Variants in DPP10 observed in about 807,000 individuals in gnomAD.
DPP10 encodes inactive dipeptidyl peptidase 10.
DPP10 carries 33 observed loss-of-function variants against 120.9 expected under a neutral mutation model. The observed-to-expected ratio is 0.27, with a 90% CI of 0.21 to 0.37. The LOEUF (loss-of-function observed/expected upper bound fraction) is 0.37, where lower values mean the gene tolerates loss of function less well. Among genes scored for constraint, DPP10 ranks in the 10% least tolerant of loss-of-function variants. The probability of loss-of-function intolerance (pLI) is 1.00; values close to 1 mark genes in which losing one functional copy is unlikely to be tolerated. For synonymous variants in DPP10, 337 were observed against 326.1 expected (o/e 1.03, Z -0.36); for missense variants, 816 against 942.8 (o/e 0.87, Z 1.76).
intron 1 of DPP10, among the ~76,000 whole-genome samples, chr2:114,457,257 T>C (rs921802670): frequency 1.3e-5 from 2 of 152,194 alleles, no homozygotes; most frequent in Admixed American, 6.5e-5. Context: ...GCTATTGACA[T>C]GTTGGGCCAG....
chr2:114,773,261 A>C, intron 1 of DPP10, among the ~76,000 whole-genome samples: 1 of 152,188 alleles, frequency 6.6e-6, no homozygotes, highest in Admixed American at 6.5e-5. Context: ...TCGAGGAGTG[A>C]TATGCTTTTT....
intron 3 of DPP10, among the ~76,000 whole-genome samples, chr2:115,490,039 T>A (rs1264503648): frequency 6.6e-6 from 1 of 152,172 alleles, no homozygotes; most frequent in African/African-American, 2.4e-5. Flanking sequence ...AGAAAATCTT[T>A]GACCCCACTG....
At chr2:115,341,821 G>T (rs2063462355) in intron 2 of DPP10, among the ~76,000 whole-genome samples, 1 of 151,866 alleles carries the variant, frequency 6.6e-6, no homozygotes, top group Non-Finnish European at 1.5e-5. Context: ...TTAAAAAAAT[G>T]TATCTATTTA....
rs543504099 is a variant in DPP10 at position 114,918,978 on chromosome 2, A to T, written c.61-390261A>T. Among the ~76,000 whole-genome samples, 5 of 151,468 alleles carry T rather than the reference A, an allele frequency of 3.3e-5. No homozygotes were observed. In the South Asian group the frequency reaches 1.0e-3, roughly 32 times the overall value. ...AAGAGTTGGAAGAAAGAAAAAAAAC[A>T]CTGTCATTGGAGATGACAAAAAGTT... On this transcript the variant is annotated intron_variant, in intron 1 of 25. Coordinates refer to ENST00000410059, the MANE Select transcript of DPP10 (RefSeq NM_020868.6).
intron 5 of DPP10, among the ~76,000 whole-genome samples, chr2:115,669,804 G>T (rs572705771): frequency 6.6e-6 from 1 of 152,202 alleles, no homozygotes; most frequent in Non-Finnish European, 1.5e-5. Context: ...CTCTGACATG[G>T]TATCCCTGGC....
chr2:115,288,945 G>A (rs2060522899), intron 1 of DPP10, among the ~76,000 whole-genome samples: 1 of 152,018 alleles, frequency 6.6e-6, no homozygotes, highest in Non-Finnish European at 1.5e-5. Flanking sequence ...CCTAGACAGA[G>A]CAATCATGCA....
chr2:114,915,314 A>G (rs1389225263), intron 1 of DPP10, among the ~76,000 whole-genome samples: 2 of 152,238 alleles, frequency 1.3e-5, no homozygotes, highest in Non-Finnish European at 2.9e-5. Flanking sequence ...AGTTTTAACT[A>G]TTCTAAATAT....
At chr2:115,350,786 A>G (rs768411505) in intron 3 of DPP10, among the ~76,000 whole-genome samples, 35 of 152,236 alleles carry the variant, frequency 2.3e-4, no homozygotes, top group Non-Finnish European at 4.9e-4. Context: ...CCACTAATCC[A>G]AACCTCTGCA....
chr2:115,766,326 GTATATATATA>G (rs1553502949), intron 12 of DPP10, among the ~76,000 whole-genome samples: 4 of 50,310 alleles, frequency 8.0e-5, no homozygotes, highest in Admixed American at 2.8e-4. Context: ...ATATATATAT[GTATATATATA>G]TGTATATATA....
At chr2:115,575,879 G>A (rs576775032) in intron 5 of DPP10, among the ~76,000 whole-genome samples, 2 of 152,290 alleles carry the variant, frequency 1.3e-5, no homozygotes, top group South Asian at 4.1e-4. Context: ...GCTCAAGAAC[G>A]TGAGCACCCT....
chr2:115,342,746 C>G (rs2063511941), intron 2 of DPP10, among the ~76,000 whole-genome samples: 1 of 152,142 alleles, frequency 6.6e-6, no homozygotes, highest in Non-Finnish European at 1.5e-5. Context: ...ATTACAATGT[C>G]TTATGCTAAA....
intron 5 of DPP10, among the ~76,000 whole-genome samples, chr2:115,631,228 C>G (rs984572371): frequency 6.6e-5 from 10 of 152,048 alleles, no homozygotes; most frequent in African/African-American, 1.9e-4. Flanking sequence ...TTATAGCATT[C>G]TCTGATGATT....
At chr2:115,383,799 T>G (rs780644546) in intron 3 of DPP10, among the ~76,000 whole-genome samples, 19 of 152,350 alleles carry the variant, frequency 1.2e-4, no homozygotes, top group Non-Finnish European at 1.3e-4. Flanking sequence ...TAAAATAGAT[T>G]ACTCTTTCTT....
Position 114,446,865 on chromosome 2 carries a change from G to A in DPP10, c.60+4027G>A, listed in dbSNP as rs552720413. On this transcript the variant is annotated intron_variant, in intron 1 of 25. Transcript: ENST00000410059. The stretch of plus-strand genomic sequence containing the variant: ...GGAAACAGAAGACAAGGGGTTAAAA[G>A]AGGATGAAAATCTTATCACAAGTAT... Among the ~76,000 whole-genome samples, 8 of 152,248 alleles carry A rather than the reference G, an allele frequency of 5.3e-5. No individual in the cohort carries two copies. The South Asian group carries it at 1.0e-3, about 20-fold the overall frequency.
At chr2:115,445,340 C>T (rs2072477329) in intron 3 of DPP10, among the ~76,000 whole-genome samples, 1 of 152,108 alleles carries the variant, frequency 6.6e-6, no homozygotes, top group East Asian at 1.9e-4. Flanking sequence ...AACTGGGTGA[C>T]AGGCAGAGGT....
intron 1 of DPP10, among the ~76,000 whole-genome samples, chr2:115,047,420 A>G (rs1705150263): frequency 1.3e-5 from 2 of 152,034 alleles, no homozygotes; most frequent in Non-Finnish European, 2.9e-5. Flanking sequence ...AAAACAGTGT[A>G]TTCAATCTAA....
chr2:115,552,682 A>G (rs1286635891), intron 5 of DPP10, among the ~76,000 whole-genome samples: 7 of 152,118 alleles, frequency 4.6e-5, no homozygotes, highest in African/African-American at 1.7e-4. Flanking sequence ...AAAGAGCACA[A>G]TGCAATATGT....
At chr2:115,600,001 C>T (rs180854126) in intron 5 of DPP10, among the ~76,000 whole-genome samples, 1 of 152,086 alleles carries the variant, frequency 6.6e-6, no homozygotes, top group Non-Finnish European at 1.5e-5. Context: ...TCTCTCCTTT[C>T]TGTCTTTGAC....
At chr2:114,500,318 A>G (rs1683044715) in intron 1 of DPP10, among the ~76,000 whole-genome samples, 1 of 152,242 alleles carries the variant, frequency 6.6e-6, no homozygotes, top group Admixed American at 6.5e-5. Flanking sequence ...AATTTGCGGA[A>G]TTAGGTCTAC....
Sources: allele counts gnomAD v4.1 joint callset (sites outside exome capture counted in the v4.1 genomes callset), GRCh38; gene constraint gnomAD v4.1.1; transcripts MANE v1.5; gene names NCBI Gene and HGNC (gene_info 2026-07-23, HGNC 2026-07-21).